The following PCDHGA9 variants were observed in gnomAD, a reference collection of about 807,000 sequenced individuals.
PCDHGA9 encodes the protein protocadherin gamma-A9.
In PCDHGA9, 37 loss-of-function variants were observed where a neutral mutation model predicts 62.5. That is an observed-to-expected ratio of 0.59 (90% CI 0.46 to 0.78). PCDHGA9 has a LOEUF of 0.78. Ranked by LOEUF, PCDHGA9 falls within the 30% of genes least tolerant of loss-of-function variation. The pLI, the probability that PCDHGA9 is intolerant of heterozygous loss-of-function variation, is 0.00. For missense variants in PCDHGA9, 1,138 were observed against 1,166.2 expected (o/e 0.98, Z 0.35); for synonymous variants, 459 against 484.6 (o/e 0.95, Z 0.69).
rs758065876 is a variant in PCDHGA9 at position 141,422,916 on chromosome 5, C to A, written c.2424+17540C>A. 5.6e-6 allele frequency: 9 copies of A among 1,614,260 alleles called. No homozygotes were observed. In the South Asian group the frequency reaches 9.9e-5, roughly 18 times the overall value. ...ACCAGAACGACAATGCGCCCGAGAT[C>A]CTGTACCCTGCCCTCCCCACAGACG... On this transcript the variant is annotated intron_variant, in intron 1 of 3. Coordinates refer to ENST00000573521, the MANE Select transcript of PCDHGA9 (RefSeq NM_018921.3).
intron 1 of PCDHGA9, among the ~76,000 whole-genome samples, chr5:141,449,891 A>G (rs2098658520): frequency 6.6e-6 from 1 of 151,872 alleles, no homozygotes; most frequent in Non-Finnish European, 1.5e-5. Flanking sequence ...CAATATAATT[A>G]TTTAGCCTAT....
At chr5:141,428,551 G>A (rs1192248816) in intron 1 of PCDHGA9, 1 of 254,070 alleles carries the variant, frequency 3.9e-6, no homozygotes, top group Non-Finnish European at 7.8e-6. Flanking sequence ...ACCAGAAACA[G>A]TCCCCCCACA....
chr5:141,458,597 T>C (rs940896214), intron 1 of PCDHGA9, among the ~76,000 whole-genome samples: 18 of 151,988 alleles, frequency 1.2e-4, no homozygotes, highest in Non-Finnish European at 2.4e-4. Context: ...TGGAGACGAG[T>C]CTCACTCTGT....
chr5:141,422,052 CG>C (rs1282698929), intron 1 of PCDHGA9: 1 of 1,611,298 alleles, frequency 6.2e-7, no homozygotes, highest in South Asian at 1.1e-5. Context: ...AGGGAATCAA[CG>C]GGGAAGTAAT....
In PCDHGA9 at chr5:141,432,921, A is replaced by G; in HGVS notation, c.2424+27545A>G. On this transcript the variant is annotated intron_variant, in intron 1 of 3. Transcript: ENST00000573521. The surrounding 1 kb of genome is among the most constrained non-coding windows in gnomAD (Gnocchi z 6.0). ...GCGCTCAGGCTGCGGCGCTGGCACAAGTCACGCCTGCTGCAGGCTTCAGGA... is the reference window on the plus strand; with the variant it reads ...GCGCTCAGGCTGCGGCGCTGGCACAGGTCACGCCTGCTGCAGGCTTCAGGA... 6.2e-7 allele frequency: 1 copy of G among 1,614,114 alleles called. No individual in the cohort carries two copies. The highest frequency in any genetic ancestry group is 1.7e-4 in the Middle Eastern group (1 of 6,060).
In PCDHGA9 at chr5:141,511,460, A is replaced by ACCC. The variant is rs1367357803; in HGVS notation, c.*289_*291dup. The ACCC allele has an allele frequency of 2.4e-4, 137 of 564,806 alleles. 1 individual carries two copies. In the Middle Eastern group the frequency reaches 2.7e-3, roughly 11 times the overall value. The allele number at this position is 564,806 out of a possible 1,614,324, so 35.0% of individuals were successfully genotyped here. A position where few individuals can be genotyped will look rare whatever the true frequency, so the allele number is the denominator to read the frequency against. ...GTAGACACCAAGAACCATTTGCCAC[A>ACCC]CCCCGTTTAGTTACAGCTGAACTCC... On this transcript the variant is annotated 3_prime_UTR_variant, in exon 4 of 4. Transcript: ENST00000573521.
chr5:141,462,202 C>T (rs188546035), intron 1 of PCDHGA9, among the ~76,000 whole-genome samples: 1,522 of 152,002 alleles, frequency 0.01, 33 homozygotes, highest in African/African-American at 0.034. Flanking sequence ...TCAGGTGATC[C>T]GCCTGCCTCG....
intron 1 of PCDHGA9, among the ~76,000 whole-genome samples, chr5:141,475,442 T>A (rs1007534176): frequency 1.3e-5 from 2 of 152,238 alleles, no homozygotes; most frequent in African/African-American, 4.8e-5. Context: ...TAGCTCCAGA[T>A]AATGAGGAAG....
chr5:141,494,785 T>G, intron 1 of PCDHGA9, 22 bp from the exon 2 acceptor site: 1 of 1,614,016 alleles, frequency 6.2e-7, no homozygotes, highest in Non-Finnish European at 8.5e-7. Flanking sequence ...ACTCAGCCCC[T>G]TTCCCTCTGT....
At chr5:141,436,071 A>G (rs1419598304) in intron 1 of PCDHGA9, among the ~76,000 whole-genome samples, 1 of 152,222 alleles carries the variant, frequency 6.6e-6, no homozygotes. Context: ...TAATAAGTAC[A>G]GTGTTCTATA....
At position 141,432,009 on chromosome 5, in the gene PCDHGA9, G is replaced by T. The variant is rs1227754190; in HGVS notation, c.2424+26633G>T. ...GTCTTGGATAGGGAACAGGTTCCTAGCTACAACATCACAGTGACCGCCACT... is the reference window on the plus strand; with the variant it reads ...GTCTTGGATAGGGAACAGGTTCCTATCTACAACATCACAGTGACCGCCACT... On this transcript the variant is annotated intron_variant, in intron 1 of 3. Transcript: ENST00000573521. The surrounding 1 kb of genome is among the most constrained non-coding windows in gnomAD (Gnocchi z 6.0). 1 of 1,614,070 alleles carries T rather than the reference G, an allele frequency of 6.2e-7. No homozygotes were observed. The highest frequency in any genetic ancestry group is 8.5e-7 in the Non-Finnish European group (1 of 1,180,032).
chr5:141,490,454 CG>C lies in PCDHGA9; in HGVS notation c.2425-4352del. ...ATTAAGCCTTCTGAGAACCACTACT[CG>C]CTGCTAACCAGCCAGCCTTTGGACC... On this transcript the variant is annotated intron_variant, in intron 1 of 3. Coordinates refer to ENST00000573521, the MANE Select transcript of PCDHGA9 (RefSeq NM_018921.3). This position sits in a 1 kb window ranked among gnomAD's most constrained non-coding sequence, Gnocchi z 5.4. The C allele has an allele frequency of 1.2e-6, 2 of 1,614,176 alleles. No individual in the cohort carries two copies. Among genetic ancestry groups the C allele is most frequent in the Non-Finnish European group, 1.7e-6 (2 of 1,180,020 alleles).
In PCDHGA9 at chr5:141,486,702, T is replaced by C; in HGVS notation, c.2425-8105T>C. On this transcript the variant is annotated intron_variant, in intron 1 of 3. Coordinates refer to ENST00000573521, the MANE Select transcript of PCDHGA9 (RefSeq NM_018921.3). The surrounding 1 kb of genome is among the most constrained non-coding windows in gnomAD (Gnocchi z 5.0). ...GTATCAGCTTCCTCTTTCATCTCTC[T>C]GAACCCCCAGACAGGAGCTGTTCAT... is the stretch of plus-strand genomic sequence containing the variant. 3 of 1,614,218 alleles carry C rather than the reference T, an allele frequency of 1.9e-6. No homozygotes were observed. Among genetic ancestry groups the C allele is most frequent in the Non-Finnish European group, 2.5e-6 (3 of 1,180,040 alleles).
chr5:141,436,501 G>A (rs1382579407), intron 1 of PCDHGA9, among the ~76,000 whole-genome samples: 1 of 152,118 alleles, frequency 6.6e-6, no homozygotes, highest in Admixed American at 6.5e-5. Context: ...TTGCAATTAG[G>A]TAAATTGTTA....
intron 1 of PCDHGA9, chr5:141,421,906 G>C: frequency 6.2e-7 from 1 of 1,613,770 alleles, no homozygotes; most frequent in Non-Finnish European, 8.5e-7. Context: ...AAAGGGCGCA[G>C]TTCCCATTCG....
chr5:141,506,847 T>C lies in PCDHGA9; in HGVS notation c.2572+1366T>C, dbSNP rs146737657. ...GAACTGATAGCCCTGCCCTCCAGCA[T>C]GTCTGGAGGACTGGTGGGTAGAGAA... On this transcript the variant is annotated intron_variant, in intron 3 of 3. Coordinates refer to ENST00000573521, the MANE Select transcript of PCDHGA9 (RefSeq NM_018921.3). 3.7e-3 allele frequency among the ~76,000 whole-genome samples: 564 copies of C among 152,318 alleles called. 5 individuals are homozygous for C. Among genetic ancestry groups the C allele is most frequent in the Admixed American group, 0.011 (164 of 15,302 alleles).
chr5:141,472,979 T>TAAAA (rs2099307936), intron 1 of PCDHGA9, among the ~76,000 whole-genome samples: 1 of 21,094 alleles, frequency 4.7e-5, no homozygotes, highest in Non-Finnish European at 9.8e-5. Context: ...AGAGTGAAAC[T>TAAAA]CAAAAAAAAA....
At chr5:141,448,216 G>A (rs766377717) in intron 1 of PCDHGA9, among the ~76,000 whole-genome samples, 41 of 152,046 alleles carry the variant, frequency 2.7e-4, no homozygotes, top group African/African-American at 1.7e-4. Context: ...GTGTGTATGC[G>A]AATGTATGTG....
rs746360206 is a variant in PCDHGA9, at chr5:141,403,596, C to G, written c.644C>G (p.Ser215Trp). The change falls in exon 1 of 4, where the codon TCG becomes TGG. Residue 215 changes from serine to tryptophan, a missense_variant. Coordinates refer to ENST00000573521, the MANE Select transcript of PCDHGA9 (RefSeq NM_018921.3). Reference sequence around the variant, plus strand: ...GCCCACCACCTGGTCCTCACGGCCTCGGATGGCGGCGAGCCGCGTCGCTCC... The same window carrying G: ...GCCCACCACCTGGTCCTCACGGCCTGGGATGGCGGCGAGCCGCGTCGCTCC... Reference protein sequence around the residue: ...ATAHHLVLTASDGGEPRRSST... With the variant: ...ATAHHLVLTAWDGGEPRRSST... 16 of 1,613,650 alleles carry G rather than the reference C, an allele frequency of 9.9e-6. No homozygotes were observed. The highest frequency in any genetic ancestry group is 2.7e-5 in the African/African-American group (2 of 74,940).
Sources: gnomAD v4.1 joint callset for allele counts (sites outside exome capture counted in the v4.1 genomes callset) on GRCh38, gnomAD v4.1.1 for gene constraint, Gnocchi (gnomAD v3.1) non-coding constraint, MANE v1.5 for transcripts, NCBI Gene and HGNC (gene_info 2026-07-23, HGNC 2026-07-21) for gene names.